Variants in FHIT observed in about 807,000 individuals in gnomAD.
The protein encoded by FHIT is bis(5'-adenosyl)-triphosphatase.
A neutral mutation model predicts 17.9 loss-of-function variants in FHIT; 19 were observed. The observed-to-expected ratio is 1.06, with a 90% CI of 0.74 to 1.56. The LOEUF is 1.56. FHIT is among the 40% of genes most tolerant of loss of function. FHIT has a pLI of 0.00. For missense variants in FHIT, 248 were observed against 189.2 expected (o/e 1.31, Z -1.82); for synonymous variants, 81 against 69.7 (o/e 1.16, Z -0.81).
chr3:61,025,330 A>G (rs556417110), intron 3 of FHIT, among the ~76,000 whole-genome samples: 2 of 152,202 alleles, frequency 1.3e-5, no homozygotes, highest in African/African-American at 4.8e-5. Flanking sequence ...TTGCTGCAGT[A>G]GAGTAAAGGC....
chr3:60,014,225 G>A lies in FHIT; in HGVS notation c.104-73C>T, dbSNP rs187641600. On this transcript the variant is annotated intron_variant, in intron 5 of 9. Coordinates refer to ENST00000492590, the MANE Select transcript of FHIT (RefSeq NM_002012.4). ...TCTTACCAAGCAGTTCATACCCACA[G>A]GATTGAATCCTCTCGGACCAGGGCC... 7.5e-5 allele frequency: 112 copies of A among 1,496,348 alleles called. No individual in the cohort carries two copies. The East Asian group carries it at 2.6e-3, about 34-fold the overall frequency. 92.7% of individuals were successfully genotyped at this position (1,496,348 alleles called of 1,614,324 possible).
rs140715700 is a variant in FHIT, at chr3:60,512,808, G to T, written c.103+24052C>A. Reference sequence around the variant, plus strand: ...GCTGTTGCATGGGCCATATGGCTTGGAATCTTCAAATAATTTAATGTCATG... The same window carrying T: ...GCTGTTGCATGGGCCATATGGCTTGTAATCTTCAAATAATTTAATGTCATG... On this transcript the variant is annotated intron_variant, in intron 5 of 9. Transcript: ENST00000492590. Among the ~76,000 whole-genome samples the T allele has an allele frequency of 4.3e-3, 648 of 152,232 alleles. 5 individuals carry two copies. Among genetic ancestry groups the T allele is most frequent in the African/African-American group, 0.015 (623 of 41,534 alleles).
chr3:60,834,188 C>G (rs143454037), intron 3 of FHIT, among the ~76,000 whole-genome samples: 164 of 152,272 alleles, frequency 1.1e-3, no homozygotes, highest in African/African-American at 3.7e-3. Flanking sequence ...TAAGAAACTG[C>G]CAAACCATTT....
chr3:60,783,470 A>G (rs1305567579), intron 4 of FHIT, among the ~76,000 whole-genome samples: 1 of 152,200 alleles, frequency 6.6e-6, no homozygotes, highest in African/African-American at 2.4e-5. Flanking sequence ...CAGTGGATAA[A>G]GAACAAGGCC....
At chr3:60,968,436 G>A (rs920984128) in intron 3 of FHIT, among the ~76,000 whole-genome samples, 4 of 126,114 alleles carry the variant, frequency 3.2e-5, no homozygotes, top group African/African-American at 5.9e-5. Context: ...TTTTTTTTTC[G>A]AGATGGAGTC....
At chr3:60,542,637 T>C (rs2036222235) in intron 4 of FHIT, among the ~76,000 whole-genome samples, 2 of 152,218 alleles carry the variant, frequency 1.3e-5, no homozygotes, top group South Asian at 4.1e-4. Context: ...TCTAATTTTG[T>C]AGAGTCCCTT....
intron 5 of FHIT, among the ~76,000 whole-genome samples, chr3:60,069,429 A>G (rs1244175976): frequency 1.3e-5 from 2 of 152,226 alleles, no homozygotes; most frequent in Admixed American, 6.5e-5. Context: ...ACCTATGTCA[A>G]TTACACATTC....
At chr3:60,757,523 G>A (rs532464693) in intron 4 of FHIT, among the ~76,000 whole-genome samples, 1 of 152,226 alleles carries the variant, frequency 6.6e-6, no homozygotes, top group East Asian at 1.9e-4. Flanking sequence ...CAAGCATGTC[G>A]AGGGTTGAAG....
intron 5 of FHIT, among the ~76,000 whole-genome samples, chr3:60,148,246 G>A (rs1700320729): frequency 6.6e-6 from 1 of 152,132 alleles, no homozygotes; most frequent in African/African-American, 2.4e-5. Context: ...AAACCCTAGA[G>A]TCCCATACTA....
At chr3:60,565,972 A>G (rs935118031) in intron 4 of FHIT, among the ~76,000 whole-genome samples, 1 of 151,988 alleles carries the variant, frequency 6.6e-6, no homozygotes, top group African/African-American at 2.4e-5. Flanking sequence ...CTTTGTTCTC[A>G]TTGGTTTCAA....
At chr3:60,896,055 C>T (rs1352205121) in intron 3 of FHIT, among the ~76,000 whole-genome samples, 2 of 152,044 alleles carry the variant, frequency 1.3e-5, no homozygotes, top group East Asian at 1.9e-4. Context: ...GTCAGGTCAG[C>T]TGCATTAGAT....
At chr3:60,700,239 A>T (rs1577083787) in intron 4 of FHIT, among the ~76,000 whole-genome samples, 1 of 152,176 alleles carries the variant, frequency 6.6e-6, no homozygotes, top group East Asian at 1.9e-4. Flanking sequence ...AACTAAAAAA[A>T]ACAAAACAAA....
At chr3:61,075,516 T>TA (rs1045105285) in intron 2 of FHIT, among the ~76,000 whole-genome samples, 1 of 151,684 alleles carries the variant, frequency 6.6e-6, no homozygotes, top group Non-Finnish European at 1.5e-5. Flanking sequence ...GAAACAAAAT[T>TA]AAAAAAAGAT....
intron 5 of FHIT, among the ~76,000 whole-genome samples, chr3:60,195,977 A>G (rs1239988602): frequency 6.6e-6 from 1 of 152,128 alleles, no homozygotes; most frequent in Non-Finnish European, 1.5e-5. Context: ...CTTGACTGCT[A>G]TACAATTCAT....
chr3:60,228,581 C>G (rs1704330703), intron 5 of FHIT, among the ~76,000 whole-genome samples: 1 of 152,194 alleles, frequency 6.6e-6, no homozygotes. Context: ...CGCTTCTCAG[C>G]TTTTCTAAGC....
chr3:60,425,885 C>A (rs1224071405), intron 5 of FHIT, among the ~76,000 whole-genome samples: 1 of 152,018 alleles, frequency 6.6e-6, no homozygotes, highest in Non-Finnish European at 1.5e-5. Flanking sequence ...ATATAAGATG[C>A]CATGAAGAAG....
chr3:61,073,352 A>C (rs1328360852), intron 2 of FHIT, among the ~76,000 whole-genome samples: 1 of 152,178 alleles, frequency 6.6e-6, no homozygotes, highest in East Asian at 1.9e-4. Flanking sequence ...CACTTTTCTA[A>C]AAATGGTATT....
chr3:59,836,239 TCA>T (rs1425901191), intron 8 of FHIT, among the ~76,000 whole-genome samples: 1 of 152,146 alleles, frequency 6.6e-6, no homozygotes, highest in Non-Finnish European at 1.5e-5. Flanking sequence ...TCTCAAAATT[TCA>T]CAGGTTGAGC....
intron 3 of FHIT, among the ~76,000 whole-genome samples, chr3:61,016,666 C>A (rs1275757272): frequency 6.6e-6 from 1 of 152,226 alleles, no homozygotes; most frequent in African/African-American, 2.4e-5. Flanking sequence ...CAAGAACCCT[C>A]AGCTCCATGG....
Sources: gnomAD v4.1 joint callset for allele counts (sites outside exome capture counted in the v4.1 genomes callset) on GRCh38, gnomAD v4.1.1 for gene constraint, MANE v1.5 for transcripts, NCBI Gene and HGNC (gene_info 2026-07-23, HGNC 2026-07-21) for gene names.